PTBP3: variants seen among roughly 807,000 people sequenced by gnomAD.
PTBP3 encodes the protein polypyrimidine tract-binding protein 3.
Under a neutral mutation model 58.7 loss-of-function variants are expected in PTBP3, and 20 were observed. The ratio of observed to expected loss-of-function variants is 0.34; its 90% CI spans 0.24 to 0.50. The LOEUF (loss-of-function observed/expected upper bound fraction) is 0.50, where lower values mean the gene tolerates loss of function less well. Among genes scored for constraint, PTBP3 ranks in the 20% least tolerant of loss-of-function variants. PTBP3 has a pLI of 0.98. For synonymous variants in PTBP3, 185 were observed against 219.8 expected (o/e 0.84, Z 1.40); for missense variants, 509 against 637.2 (o/e 0.80, Z 2.17).
chr9:112,298,805 C>G (rs998737508), intron 1 of PTBP3, among the ~76,000 whole-genome samples: 3 of 152,126 alleles, frequency 2.0e-5, no homozygotes, highest in African/African-American at 7.2e-5. Flanking sequence ...GACAAACCAC[C>G]AATATATCTA....
intron 5 of PTBP3, among the ~76,000 whole-genome samples, chr9:112,253,331 G>T (rs1524841): frequency 0.26 from 40,132 of 152,032 alleles, 6,581 homozygotes; most frequent in South Asian, 0.4. Context: ...ATAAAAGAAG[G>T]GAAGGGGTGA....
intron 5 of PTBP3, among the ~76,000 whole-genome samples, chr9:112,260,175 T>C (rs190606957): frequency 1.3e-5 from 2 of 152,268 alleles, no homozygotes; most frequent in Admixed American, 1.3e-4. Flanking sequence ...TCTCAAAGTG[T>C]TGGGATTACA....
intron 1 of PTBP3, chr9:112,333,005 C>T: frequency 7.8e-7 from 1 of 1,283,224 alleles, no homozygotes; most frequent in Non-Finnish European, 9.9e-7. Context: ...GTGCACCCGC[C>T]GTCGGCCGCT....
chr9:112,347,625 G>C, the PTBP3 span, among the ~76,000 whole-genome samples: 56,017 of 151,964 alleles, frequency 0.37, 10,542 homozygotes, highest in South Asian at 0.44. Context: ...TTACAGGTGT[G>C]AGCTACTGTA....
At chr9:112,336,147 T>A (rs1400080194), upstream of PTBP3, among the ~76,000 whole-genome samples, 1 of 152,088 alleles carries the variant, frequency 6.6e-6, no homozygotes, top group Non-Finnish European at 1.5e-5. Flanking sequence ...GTGCTGGGAT[T>A]ATAGGCATGA....
intron 9 of PTBP3, 43 bp downstream of exon 9, chr9:112,232,056 C>G: frequency 7.6e-7 from 1 of 1,308,694 alleles, no homozygotes; most frequent in Non-Finnish European, 1.0e-6. Flanking sequence ...GCTACTATAC[C>G]TTCTCCTGAA....
At chr9:112,299,311 A>G (rs531847447) in intron 1 of PTBP3, among the ~76,000 whole-genome samples, 1 of 152,320 alleles carries the variant, frequency 6.6e-6, no homozygotes, top group Middle Eastern at 3.4e-3. Context: ...ATTTGCAGAA[A>G]TGTATTTTTT....
At chr9:112,287,388 G>T (rs1490301294) in intron 2 of PTBP3, among the ~76,000 whole-genome samples, 3 of 129,246 alleles carry the variant, frequency 2.3e-5, no homozygotes, top group East Asian at 2.2e-4. Flanking sequence ...TGCCCAGGCT[G>T]GAGTGAAGTG....
At chr9:112,364,177 CTTTTTTTTTTTTTTTT>C in the PTBP3 span, among the ~76,000 whole-genome samples, 1 of 73,502 alleles carries the variant, frequency 1.4e-5, no homozygotes, top group Non-Finnish European at 2.3e-5. Flanking sequence ...TAGGTCAGTT[CTTTTTTTTTTTTTTTT>C]TTTTTTTTTT....
At chr9:112,367,393 A>T in the PTBP3 span, among the ~76,000 whole-genome samples, 1 of 152,128 alleles carries the variant, frequency 6.6e-6, no homozygotes, top group Non-Finnish European at 1.5e-5. Context: ...TGTAAAGCAG[A>T]TGTAGTGGTG....
intron 1 of PTBP3, among the ~76,000 whole-genome samples, chr9:112,312,542 T>C (rs1006820660): frequency 1.4e-5 from 2 of 140,324 alleles, no homozygotes; most frequent in Non-Finnish European, 3.0e-5. Flanking sequence ...TTTACATCTA[T>C]AGAAAGACTA....
At chr9:112,239,040 C>G (rs1374915035) in intron 7 of PTBP3, among the ~76,000 whole-genome samples, 3 of 152,046 alleles carry the variant, frequency 2.0e-5, no homozygotes, top group Non-Finnish European at 2.9e-5. Context: ...ATTGCCAAGA[C>G]TAAAGTCAAA....
At chr9:112,310,909 T>A (rs1468122032) in intron 1 of PTBP3, among the ~76,000 whole-genome samples, 1 of 152,198 alleles carries the variant, frequency 6.6e-6, no homozygotes, top group Non-Finnish European at 1.5e-5. Context: ...GAGGCAATTA[T>A]GGCTGAAAGA....
chr9:112,257,050 A>G (rs1836397967), intron 5 of PTBP3, among the ~76,000 whole-genome samples: 1 of 152,214 alleles, frequency 6.6e-6, no homozygotes, highest in South Asian at 2.1e-4. Context: ...CACCTTTCAG[A>G]TTTTGTTAAT....
intron 3 of PTBP3, among the ~76,000 whole-genome samples, chr9:112,270,985 C>T (rs967223920): frequency 6.6e-6 from 1 of 152,098 alleles, no homozygotes; most frequent in Non-Finnish European, 1.5e-5. Flanking sequence ...CGCCACCACA[C>T]CCGGCTTATT....
rs146261804 is a variant in PTBP3 at position 112,221,563 on chromosome 9, T to A, written c.*2288A>T. The A allele has an allele frequency of 3.7e-4, 362 of 985,646 alleles. 2 individuals are homozygous for A. The African/African-American group carries it at 6.0e-3, about 16-fold the overall frequency. 61.1% of individuals were successfully genotyped at this position (985,646 alleles called of 1,614,324 possible). A position where few individuals can be genotyped will look rare whatever the true frequency, so the allele number is the denominator to read the frequency against. On this transcript the variant is annotated 3_prime_UTR_variant, in exon 14 of 14. Coordinates refer to ENST00000374257, the MANE Select transcript of PTBP3 (RefSeq NM_001163788.4). ...TGTGGAAGGGAAAAAAAAGCAAGTT[T>A]TGGGAGATTTTGCAAAGAAATTTTT... is the stretch of plus-strand genomic sequence containing the variant.
Position 112,289,037 on chromosome 9 carries a change from G to A in PTBP3, c.34+8795C>T, listed in dbSNP as rs143016764. 1.8e-3 allele frequency among the ~76,000 whole-genome samples: 272 copies of A among 152,262 alleles called. 3 individuals are homozygous for A. Among genetic ancestry groups the A allele is most frequent in the African/African-American group, 6.1e-3 (252 of 41,560 alleles). Reference sequence around the variant, plus strand: ...AACCCACCTATTTTTAGCTAAGCACGTGCCTATCAGAAAAAAGGACTACAT... The same window carrying A: ...AACCCACCTATTTTTAGCTAAGCACATGCCTATCAGAAAAAAGGACTACAT... On this transcript the variant is annotated intron_variant, in intron 2 of 13. Coordinates refer to ENST00000374257, the MANE Select transcript of PTBP3 (RefSeq NM_001163788.4).
chr9:112,262,454 G>T lies in PTBP3; in HGVS notation c.497C>A (p.Thr166Asn), dbSNP rs948079650. ...IIIENLFYPV[T>N]LEVLHQIFSK... is the part of the protein sequence containing the mutation. ...CCTTACCTGATGAAGAACTTCCAGGGTAACAGGGTAAAAGAGGTTTTCAAT... is the reference window on the plus strand; with the variant it reads ...CCTTACCTGATGAAGAACTTCCAGGTTAACAGGGTAAAAGAGGTTTTCAAT... Residue 166 changes from threonine to asparagine, a missense_variant, in exon 5 of 14, where the codon ACC becomes AAC. Around this residue, in one of 4 missense-constraint regions of PTBP3, gnomAD observed 212 missense variants for 215.3 expected, o/e 0.98. Transcript: ENST00000374257. 6.2e-7 allele frequency: 1 copy of T among 1,602,176 alleles called. No individual in the cohort carries two copies. Among genetic ancestry groups the T allele is most frequent in the Non-Finnish European group, 8.5e-7 (1 of 1,176,010 alleles).
At chr9:112,236,271 T>A (rs574623351) in intron 7 of PTBP3, among the ~76,000 whole-genome samples, 1 of 151,868 alleles carries the variant, frequency 6.6e-6, no homozygotes, top group East Asian at 1.9e-4. Context: ...AAAATGAGAG[T>A]AACTGACAGA....
Sources: allele counts gnomAD v4.1 joint callset (sites outside exome capture counted in the v4.1 genomes callset), GRCh38; gene constraint gnomAD v4.1.1; regional missense constraint gnomAD v4.1.1; transcripts MANE v1.5; gene names NCBI Gene and HGNC (gene_info 2026-07-23, HGNC 2026-07-21).